DOCK1: variants seen among roughly 807,000 people sequenced by gnomAD.
The protein encoded by DOCK1 is dedicator of cytokinesis 1.
Under a neutral mutation model 262.7 loss-of-function variants are expected in DOCK1, and 138 were observed. That is an observed-to-expected ratio of 0.53 (90% CI 0.46 to 0.61). The LOEUF is 0.61. Ranked by LOEUF, DOCK1 falls within the 20% of genes least tolerant of loss-of-function variation. The probability of loss-of-function intolerance (pLI) is 0.00; values close to 1 mark genes in which losing one functional copy is unlikely to be tolerated. For missense variants in DOCK1, 1,908 were observed against 2,370.7 expected (o/e 0.80, Z 4.05); for synonymous variants, 866 against 867.4 (o/e 1.00, Z 0.03).
At chr10:127,135,438 A>AT (rs941762334) in intron 27 of DOCK1, 2 of 152,610 alleles carry the variant, frequency 1.3e-5, no homozygotes, top group African/African-American at 4.8e-5. Flanking sequence ...AACATCTTTG[A>AT]TTTTTTTATT....
intron 51 of DOCK1, among the ~76,000 whole-genome samples, chr10:127,448,561 C>T (rs2070743298): frequency 6.6e-6 from 1 of 152,176 alleles, no homozygotes; most frequent in South Asian, 2.1e-4. Flanking sequence ...ATTGACTCAG[C>T]CACGGCGGGA....
At chr10:126,913,784 T>C (rs2032150712) in intron 1 of DOCK1, among the ~76,000 whole-genome samples, 1 of 152,212 alleles carries the variant, frequency 6.6e-6, no homozygotes, top group Admixed American at 6.5e-5. Flanking sequence ...AAAAAGATGC[T>C]TTCTCTTGGC....
chr10:126,948,976 C>T (rs954467647), intron 1 of DOCK1, among the ~76,000 whole-genome samples: 3 of 152,058 alleles, frequency 2.0e-5, no homozygotes, highest in Non-Finnish European at 4.4e-5. Context: ...TTCAGTGGCC[C>T]GGGCCCACCC....
chr10:127,121,487 G>A (rs554343832), intron 25 of DOCK1, among the ~76,000 whole-genome samples: 11 of 149,820 alleles, frequency 7.3e-5, no homozygotes, highest in Admixed American at 2.6e-4. Context: ...CTATCTGTCC[G>A]TCTGTCTGTC....
At chr10:126,909,755 A>G (rs1455711091) in intron 1 of DOCK1, among the ~76,000 whole-genome samples, 1 of 152,212 alleles carries the variant, frequency 6.6e-6, no homozygotes, top group Non-Finnish European at 1.5e-5. Flanking sequence ...GTTGGCAGAG[A>G]ATTTAGCCCT....
intron 31 of DOCK1, among the ~76,000 whole-genome samples, chr10:127,345,733 C>T (rs2063603574): frequency 6.6e-6 from 1 of 152,204 alleles, no homozygotes; most frequent in Non-Finnish European, 1.5e-5. Context: ...CTCGTCCTGG[C>T]TTCCAGCATC....
intron 23 of DOCK1, among the ~76,000 whole-genome samples, chr10:127,079,116 T>G (rs1438145228): frequency 6.6e-6 from 1 of 152,170 alleles, no homozygotes; most frequent in East Asian, 1.9e-4. Flanking sequence ...ATGCTGACAC[T>G]CATGTAACCC....
rs542778793 is a variant in DOCK1 at position 126,999,560 on chromosome 10, T to G, written c.849+125T>G. ...CTGGGATGCCTGTATACAGGTTAAT[T>G]TAGTATTACTAAGTAGAGCGCATTT... On this transcript the variant is annotated intron_variant, in intron 9 of 51. Transcript: ENST00000623213. 3.0e-5 allele frequency: 21 copies of G among 708,044 alleles called. No homozygotes were observed. In the East Asian group the frequency reaches 5.4e-4, roughly 18 times the overall value. 43.9% of individuals were successfully genotyped at this position (708,044 alleles called of 1,614,324 possible). A position where few individuals can be genotyped will look rare whatever the true frequency, so the allele number is the denominator to read the frequency against.
intron 22 of DOCK1, among the ~76,000 whole-genome samples, chr10:127,061,352 C>G (rs991957998): frequency 1.3e-5 from 2 of 152,232 alleles, no homozygotes; most frequent in African/African-American, 4.8e-5. Flanking sequence ...TCCTTCTCTT[C>G]CTCGGCCCTT....
intron 47 of DOCK1, 78 bp downstream of exon 47, chr10:127,426,089 G>T: frequency 6.3e-7 from 1 of 1,597,184 alleles, no homozygotes. Context: ...CAAGCTTCCA[G>T]AGCAGAGGAA....
intron 27 of DOCK1, among the ~76,000 whole-genome samples, chr10:127,203,348 T>G (rs576566701): frequency 6.6e-6 from 1 of 152,344 alleles, no homozygotes; most frequent in Admixed American, 6.5e-5. Context: ...TAAAGATGAC[T>G]AACACACTGT....
chr10:127,378,491 G>A (rs948250521), intron 35 of DOCK1, among the ~76,000 whole-genome samples: 3 of 152,052 alleles, frequency 2.0e-5, no homozygotes, highest in Admixed American at 1.3e-4. Flanking sequence ...GAAACACAAA[G>A]GTTTTATATA....
At chr10:127,275,369 C>G (rs2060705623) in intron 29 of DOCK1, among the ~76,000 whole-genome samples, 2 of 152,076 alleles carry the variant, frequency 1.3e-5, no homozygotes, top group South Asian at 4.1e-4. Context: ...TCCCATGGAC[C>G]AGAGCTGCCT....
At chr10:127,328,361 C>G (rs118014491) in intron 29 of DOCK1, among the ~76,000 whole-genome samples, 93 of 152,342 alleles carry the variant, frequency 6.1e-4, no homozygotes, top group Non-Finnish European at 1.2e-3. Context: ...ATGGTTTGCT[C>G]AAGGCCTCTG....
intron 38 of DOCK1, among the ~76,000 whole-genome samples, chr10:127,401,783 G>A (rs1487138910): frequency 6.6e-6 from 1 of 152,188 alleles, no homozygotes; most frequent in African/African-American, 2.4e-5. Context: ...AGGGTGTCAG[G>A]ACAGCCCTCT....
chr10:126,909,221 G>C (rs938714045), intron 1 of DOCK1, among the ~76,000 whole-genome samples: 2 of 152,102 alleles, frequency 1.3e-5, no homozygotes, highest in Non-Finnish European at 2.9e-5. Context: ...CCAGAGAGAG[G>C]CCTCAGGGAG....
intron 21 of DOCK1, among the ~76,000 whole-genome samples, chr10:127,045,200 TA>T (rs71032534): frequency 0.042 from 3,419 of 81,772 alleles, 23 homozygotes; most frequent in African/African-American, 0.049. Flanking sequence ...TCTGTCTCAA[TA>T]AAAAAAAAAA....
At chr10:126,949,611 A>C (rs1382891039) in intron 1 of DOCK1, among the ~76,000 whole-genome samples, 2 of 152,100 alleles carry the variant, frequency 1.3e-5, no homozygotes, top group Non-Finnish European at 2.9e-5. Flanking sequence ...TCGGGTGTTG[A>C]ATGTCCTTTC....
At chr10:127,417,802 C>T (rs1316987897) in intron 44 of DOCK1, among the ~76,000 whole-genome samples, 1 of 152,136 alleles carries the variant, frequency 6.6e-6, no homozygotes, top group Non-Finnish European at 1.5e-5. Context: ...TCTTGAACTC[C>T]TGACCTCAGG....
Sources: allele counts gnomAD v4.1 joint callset (sites outside exome capture counted in the v4.1 genomes callset), GRCh38; gene constraint gnomAD v4.1.1; transcripts MANE v1.5; gene names NCBI Gene and HGNC (gene_info 2026-07-23, HGNC 2026-07-21).